Variants in NPLOC4 observed in about 807,000 individuals in gnomAD.
NPLOC4 encodes the protein nuclear protein localization protein 4 homolog.
In NPLOC4, 18 loss-of-function variants were observed where a neutral mutation model predicts 80.6. That is an observed-to-expected ratio of 0.22 (90% CI 0.15 to 0.33). The LOEUF (loss-of-function observed/expected upper bound fraction) is 0.33. Among genes scored for constraint, NPLOC4 ranks in the 10% least tolerant of loss-of-function variants. The pLI is 1.00. For synonymous variants in NPLOC4, 313 were observed against 301.5 expected (o/e 1.04, Z -0.39); for missense variants, 540 against 786.1 (o/e 0.69, Z 3.74).
intron 1 of NPLOC4, among the ~76,000 whole-genome samples, chr17:81,633,716 C>A (rs73371204): frequency 6.6e-6 from 1 of 152,046 alleles, no homozygotes; most frequent in East Asian, 1.9e-4. Context: ...ACTCTTTTCT[C>A]CCCCCAAGAC....
At chr17:81,632,790 G>A (rs2035964584) in intron 1 of NPLOC4, among the ~76,000 whole-genome samples, 1 of 152,148 alleles carries the variant, frequency 6.6e-6, no homozygotes, top group Non-Finnish European at 1.5e-5. Flanking sequence ...ACTGGGATTT[G>A]TCCGCTTTTA....
intron 12 of NPLOC4, among the ~76,000 whole-genome samples, chr17:81,574,945 C>T (rs1192435186): frequency 6.6e-6 from 1 of 152,084 alleles, no homozygotes; most frequent in African/African-American, 2.4e-5. Flanking sequence ...ACAGTGAATT[C>T]CATTGATTGA....
intron 10 of NPLOC4, among the ~76,000 whole-genome samples, chr17:81,596,916 T>C (rs1167457144): frequency 6.6e-6 from 1 of 151,922 alleles, no homozygotes; most frequent in Non-Finnish European, 1.5e-5. Flanking sequence ...ATCAAGACCA[T>C]CCTGGCTAAC....
intron 1 of NPLOC4, among the ~76,000 whole-genome samples, chr17:81,636,003 C>T (rs528941589): frequency 6.7e-6 from 1 of 149,756 alleles, no homozygotes; most frequent in Non-Finnish European, 1.5e-5. Flanking sequence ...GACGCAGTCT[C>T]GCTCTATAGC....
chr17:81,587,676 T>TG (rs1451692291), intron 12 of NPLOC4, among the ~76,000 whole-genome samples: 12 of 138,896 alleles, frequency 8.6e-5, no homozygotes, highest in Non-Finnish European at 1.9e-4. Flanking sequence ...AAAAAGTTGT[T>TG]TTTTTTTTTT....
intron 9 of NPLOC4, among the ~76,000 whole-genome samples, chr17:81,599,566 A>G (rs2035010725): frequency 6.6e-6 from 1 of 152,112 alleles, no homozygotes; most frequent in South Asian, 2.1e-4. Flanking sequence ...TTGCAGTCTC[A>G]CCCGCTTCAT....
chr17:81,572,737 G>A lies in NPLOC4; in HGVS notation c.1282-649C>T, dbSNP rs1189274065. Among the ~76,000 whole-genome samples the A allele has an allele frequency of 2.0e-5, 3 of 152,244 alleles. No homozygotes were observed. Among genetic ancestry groups the A allele is most frequent in the South Asian group, 2.1e-4 (1 of 4,834 alleles). The stretch of plus-strand genomic sequence containing the variant: ...ATCTGCGACAGGCAGAAGGGTCTGC[G>A]TTCCCCTCAGGTTGGACCTGTGCCC... On this transcript the variant is annotated intron_variant, in intron 12 of 16. Transcript: ENST00000331134. This position sits in a 1 kb window ranked among gnomAD's most constrained non-coding sequence, Gnocchi z 4.5.
chr17:81,571,927 C>T, intron 13 of NPLOC4, 90 bp downstream of exon 13: 1 of 906,312 alleles, frequency 1.1e-6, no homozygotes, highest in Non-Finnish European at 1.6e-6. Flanking sequence ...AAATTGCAGC[C>T]TCCTCCCTTG....
At chr17:81,595,364 G>A (rs2034872531) in intron 11 of NPLOC4, among the ~76,000 whole-genome samples, 1 of 149,954 alleles carries the variant, frequency 6.7e-6, no homozygotes, top group Admixed American at 6.6e-5. Flanking sequence ...AACCCAGGAG[G>A]CGGACGTTGC....
chr17:81,561,052 G>A (rs1420258950), intron 16 of NPLOC4, among the ~76,000 whole-genome samples: 1 of 152,066 alleles, frequency 6.6e-6, no homozygotes, highest in Non-Finnish European at 1.5e-5. Context: ...CTGCCTCCTG[G>A]GTTCAAGCGA....
intron 2 of NPLOC4, among the ~76,000 whole-genome samples, chr17:81,623,235 GC>G (rs771859788): frequency 2.2e-4 from 33 of 151,608 alleles, no homozygotes; most frequent in Non-Finnish European, 4.3e-4. Context: ...ACTATGGGAG[GC>G]CAAAGCAGGT....
chr17:81,589,312 C>T (rs930089897), intron 11 of NPLOC4, among the ~76,000 whole-genome samples: 1 of 152,050 alleles, frequency 6.6e-6, no homozygotes, highest in African/African-American at 2.4e-5. Flanking sequence ...AGGCGGATCA[C>T]GAGGTCAGGA....
intron 12 of NPLOC4, among the ~76,000 whole-genome samples, chr17:81,579,703 T>A (rs1451421323): frequency 1.3e-5 from 2 of 152,160 alleles, no homozygotes; most frequent in African/African-American, 4.8e-5. Flanking sequence ...ATTAGCTCCT[T>A]TGCTGGACAC....
chr17:81,632,592 G>T (rs2035961335), intron 1 of NPLOC4, among the ~76,000 whole-genome samples: 1 of 152,104 alleles, frequency 6.6e-6, no homozygotes, highest in Admixed American at 6.6e-5. Flanking sequence ...GGGATTACAG[G>T]TGTGCACCAC....
intron 4 of NPLOC4, among the ~76,000 whole-genome samples, chr17:81,611,423 C>T (rs996150330): frequency 6.6e-6 from 1 of 151,678 alleles, no homozygotes; most frequent in Non-Finnish European, 1.5e-5. Context: ...GATCTCGGCT[C>T]CATGCAACCT....
At position 81,559,125 on chromosome 17, in the gene NPLOC4, G is replaced by T; in HGVS notation, c.*134C>A. ...CTGAGAAGCTTCAGTGGGTCAGGGAGCCCAGGACAGCCAGCCCCTTGTTCC... is the reference window on the plus strand; with the variant it reads ...CTGAGAAGCTTCAGTGGGTCAGGGATCCCAGGACAGCCAGCCCCTTGTTCC... On this transcript the variant is annotated 3_prime_UTR_variant, in exon 17 of 17. Coordinates refer to ENST00000331134, the MANE Select transcript of NPLOC4 (RefSeq NM_017921.4). 1 of 1,020,596 alleles carries T rather than the reference G, an allele frequency of 9.8e-7. No homozygotes were observed. Among genetic ancestry groups the T allele is most frequent in the Non-Finnish European group, 1.4e-6 (1 of 721,676 alleles). 63.2% of individuals were successfully genotyped at this position (1,020,596 alleles called of 1,614,324 possible).
At chr17:81,586,009 GCA>G (rs1273841844) in intron 12 of NPLOC4, among the ~76,000 whole-genome samples, 1 of 152,034 alleles carries the variant, frequency 6.6e-6, no homozygotes, top group Non-Finnish European at 1.5e-5. Context: ...TATAGGTCAG[GCA>G]CAGTGTCTCA....
chr17:81,609,728 A>T (rs572583316), intron 5 of NPLOC4, among the ~76,000 whole-genome samples: 1 of 152,234 alleles, frequency 6.6e-6, no homozygotes, highest in East Asian at 1.9e-4. Flanking sequence ...ATGCCACAAG[A>T]TGAGGCAAGA....
In NPLOC4 at chr17:81,559,226, G is replaced by A. The variant is rs780505200; in HGVS notation, c.*33C>T. 2 of 1,568,050 alleles carry A rather than the reference G, an allele frequency of 1.3e-6. No homozygotes were observed. Among genetic ancestry groups the A allele is most frequent in the Admixed American group, 1.9e-5 (1 of 53,372 alleles). On this transcript the variant is annotated 3_prime_UTR_variant, in exon 17 of 17. Coordinates refer to ENST00000331134, the MANE Select transcript of NPLOC4 (RefSeq NM_017921.4). Reference sequence around the variant, plus strand: ...TTCTGGCTTCAGGAAGGGCTGGGCTGGGCCCGGTCCTAGCCAGCAGAGGGC... The same window carrying A: ...TTCTGGCTTCAGGAAGGGCTGGGCTAGGCCCGGTCCTAGCCAGCAGAGGGC...
Sources: allele counts gnomAD v4.1 joint callset (sites outside exome capture counted in the v4.1 genomes callset), GRCh38; gene constraint gnomAD v4.1.1; non-coding constraint Gnocchi (gnomAD v3.1); transcripts MANE v1.5; gene names NCBI Gene and HGNC (gene_info 2026-07-23, HGNC 2026-07-21).